The following WDR70 variants were observed in gnomAD, a reference collection of about 807,000 sequenced individuals.
WDR70 encodes the protein WD repeat domain 70, also known as WD repeat-containing protein 70.
A neutral mutation model predicts 88.6 loss-of-function variants in WDR70; 53 were observed. That is an observed-to-expected ratio of 0.60 (90% CI 0.48 to 0.75). WDR70 has a LOEUF of 0.75. WDR70 is among the 30% of genes least tolerant of loss of function. The pLI, the probability that WDR70 is intolerant of heterozygous loss-of-function variation, is 0.00. For synonymous variants in WDR70, 280 were observed against 270.0 expected (o/e 1.04, Z -0.36); for missense variants, 610 against 823.2 (o/e 0.74, Z 3.17).
intron 9 of WDR70, among the ~76,000 whole-genome samples, chr5:37,589,038 C>G (rs958962631): frequency 2.0e-5 from 3 of 152,030 alleles, no homozygotes; most frequent in African/African-American, 7.3e-5. Flanking sequence ...GCTGGGATTA[C>G]AGGCATGAGC....
At chr5:37,586,785 G>C (rs370153892) in intron 9 of WDR70, among the ~76,000 whole-genome samples, 2 of 152,006 alleles carry the variant, frequency 1.3e-5, no homozygotes, top group African/African-American at 4.8e-5. Context: ...TGTTCCATGA[G>C]GGTCTGCCTT....
At chr5:37,567,307 A>G (rs1167325132) in intron 9 of WDR70, among the ~76,000 whole-genome samples, 1 of 152,202 alleles carries the variant, frequency 6.6e-6, no homozygotes, top group Non-Finnish European at 1.5e-5. Flanking sequence ...TACACATGCT[A>G]GATTTTATAA....
chr5:37,672,703 G>A (rs1746065498), intron 10 of WDR70, among the ~76,000 whole-genome samples: 1 of 152,112 alleles, frequency 6.6e-6, no homozygotes, highest in Admixed American at 6.5e-5. Flanking sequence ...AGTGAAAATA[G>A]CAATCAGTAA....
At chr5:37,592,219 C>T (rs1375093489) in intron 9 of WDR70, among the ~76,000 whole-genome samples, 1 of 152,180 alleles carries the variant, frequency 6.6e-6, no homozygotes, top group African/African-American at 2.4e-5. Context: ...ACATTATACA[C>T]ATAGCCTGAA....
intron 10 of WDR70, among the ~76,000 whole-genome samples, chr5:37,618,378 G>A (rs1201919648): frequency 6.6e-6 from 1 of 152,120 alleles, no homozygotes; most frequent in Non-Finnish European, 1.5e-5. Context: ...TTATTTGTTT[G>A]TTTGTTTTGA....
At chr5:37,487,618 T>C (rs1739917574) in intron 8 of WDR70, among the ~76,000 whole-genome samples, 1 of 45,798 alleles carries the variant, frequency 2.2e-5, no homozygotes, top group African/African-American at 4.6e-5. Context: ...TATATATATA[T>C]ATATATGTAT....
At chr5:37,516,479 A>G in intron 8 of WDR70, 35 bp from the exon 9 acceptor site, 1 of 1,396,316 alleles carries the variant, frequency 7.2e-7, no homozygotes, top group Non-Finnish European at 1.0e-6. Flanking sequence ...ACCTTTTTAA[A>G]ACATCTTTTT....
intron 7 of WDR70, among the ~76,000 whole-genome samples, chr5:37,470,830 TA>T (rs1739305109): frequency 6.6e-6 from 1 of 152,188 alleles, no homozygotes; most frequent in African/African-American, 2.4e-5. Context: ...GTTGGGTATA[TA>T]CTTGGTAGTG....
chr5:37,560,142 G>A (rs1045817340), intron 9 of WDR70, among the ~76,000 whole-genome samples: 11 of 152,180 alleles, frequency 7.2e-5, no homozygotes, highest in Non-Finnish European at 1.0e-4. Flanking sequence ...GCGAATAATT[G>A]TTTCCATTTA....
intron 9 of WDR70, among the ~76,000 whole-genome samples, chr5:37,554,017 A>G (rs1040499889): frequency 2.6e-5 from 4 of 151,652 alleles, no homozygotes; most frequent in Non-Finnish European, 5.9e-5. Flanking sequence ...ATTATGGAAT[A>G]TTGTTTTAAC....
At chr5:37,519,942 G>T (rs1741035382) in intron 9 of WDR70, among the ~76,000 whole-genome samples, 1 of 152,090 alleles carries the variant, frequency 6.6e-6, no homozygotes, top group African/African-American at 2.4e-5. Context: ...GTGATTAAAT[G>T]GTTAAGATTC....
At chr5:37,746,567 T>TA (rs1748643297) in intron 17 of WDR70, among the ~76,000 whole-genome samples, 1 of 151,838 alleles carries the variant, frequency 6.6e-6, no homozygotes, top group Non-Finnish European at 1.5e-5. Flanking sequence ...ATAGATGCAA[T>TA]AAAAAATAAT....
intron 8 of WDR70, among the ~76,000 whole-genome samples, chr5:37,495,074 A>C (rs1561874759): frequency 6.6e-6 from 1 of 152,258 alleles, no homozygotes; most frequent in East Asian, 1.9e-4. Context: ...CAAAGCCTAA[A>C]ATGTGATCTG....
intron 10 of WDR70, among the ~76,000 whole-genome samples, chr5:37,626,482 C>G (rs1321822209): frequency 1.3e-5 from 2 of 152,150 alleles, no homozygotes; most frequent in Non-Finnish European, 1.5e-5. Flanking sequence ...GATGTATCCT[C>G]TTACTGATGT....
At chr5:37,538,391 G>A (rs1021972922) in intron 9 of WDR70, among the ~76,000 whole-genome samples, 1 of 152,156 alleles carries the variant, frequency 6.6e-6, no homozygotes, top group Non-Finnish European at 1.5e-5. Flanking sequence ...ATGTTTTCAC[G>A]GTTATAGCTG....
intron 10 of WDR70, among the ~76,000 whole-genome samples, chr5:37,671,625 G>GT (rs1561061520): frequency 6.6e-6 from 1 of 152,068 alleles, no homozygotes; most frequent in African/African-American, 2.4e-5. Context: ...CTTTGAAATA[G>GT]TTTTTTCCAC....
chr5:37,537,825 T>C (rs950415697), intron 9 of WDR70, among the ~76,000 whole-genome samples: 1 of 152,206 alleles, frequency 6.6e-6, no homozygotes, highest in African/African-American at 2.4e-5. Context: ...TATTTGTTAC[T>C]TTCCTTCATA....
intron 3 of WDR70, 99 bp from the exon 4 acceptor site, chr5:37,391,901 A>G: frequency 7.5e-7 from 1 of 1,332,258 alleles, no homozygotes; most frequent in Non-Finnish European, 1.0e-6. Context: ...TCTAAGTTAT[A>G]TCTTTGTGAC....
chr5:37,444,450 C>T (rs1738397309), intron 7 of WDR70, among the ~76,000 whole-genome samples: 1 of 150,534 alleles, frequency 6.6e-6, no homozygotes, highest in African/African-American at 2.4e-5. Context: ...GACATCCTCC[C>T]ACCTCAGCCT....
Sources: gnomAD v4.1 joint callset for allele counts (sites outside exome capture counted in the v4.1 genomes callset) on GRCh38, gnomAD v4.1.1 for gene constraint, MANE v1.5 for transcripts, NCBI Gene and HGNC (gene_info 2026-07-23, HGNC 2026-07-21) for gene names.